The following FBXO15 variants were observed in gnomAD, a reference collection of about 807,000 sequenced individuals.
FBXO15 encodes the protein F-box protein 15, also known as F-box only protein 15.
In FBXO15, 30 loss-of-function variants were observed where a neutral mutation model predicts 49.5. The observed-to-expected ratio is 0.61, with a 90% confidence interval of 0.45 to 0.82. The LOEUF is 0.82. Among genes scored for constraint, FBXO15 ranks in the 40% least tolerant of loss-of-function variants. The pLI, the probability that FBXO15 is intolerant of heterozygous loss-of-function variation, is 0.00. For synonymous variants in FBXO15, 250 were observed against 232.7 expected, an observed-to-expected ratio of 1.07 and a Z score of -0.68; for missense variants, 591 against 631.5, an observed-to-expected ratio of 0.94 and a Z score of 0.69.
At chr18:74,092,582 G>T (rs1225049195) in intron 8 of FBXO15, among the ~76,000 whole-genome samples, 1 of 152,078 alleles carries the variant, frequency 6.6e-6, no homozygotes, top group Non-Finnish European at 1.5e-5. Context: ...GTCCGTGGGG[G>T]TATGATTGTG....
At chr18:74,114,159 G>A (rs2145171022) in intron 8 of FBXO15, among the ~76,000 whole-genome samples, 1 of 152,294 alleles carries the variant, frequency 6.6e-6, no homozygotes, top group Non-Finnish European at 1.5e-5. Context: ...TTCTGCTAGT[G>A]CCAGGCAGAG....
At chr18:74,143,617 C>T (rs891787427) in intron 1 of FBXO15, among the ~76,000 whole-genome samples, 3 of 152,140 alleles carry the variant, frequency 2.0e-5, no homozygotes, top group African/African-American at 7.2e-5. Context: ...ATACTAAAAA[C>T]GGTATAGAGA....
chr18:74,122,647 G>A (rs978288358), intron 8 of FBXO15: 1 of 152,188 alleles, frequency 6.6e-6, no homozygotes, highest in South Asian at 2.1e-4. Context: ...ATCTTAACCA[G>A]ATGATAAAAC....
intron 8 of FBXO15, among the ~76,000 whole-genome samples, chr18:74,100,854 T>C (rs762425614): frequency 5.3e-5 from 8 of 151,924 alleles, no homozygotes; most frequent in Non-Finnish European, 8.8e-5. Flanking sequence ...CTAGCTTAAA[T>C]CAGAAAGAAT....
At chr18:74,136,622 G>C (rs1407946213) in intron 2 of FBXO15, among the ~76,000 whole-genome samples, 1 of 152,156 alleles carries the variant, frequency 6.6e-6, no homozygotes, top group Admixed American at 6.5e-5. Context: ...AGGGCCATAA[G>C]TTTTTTCTGA....
chr18:74,130,851 CA>C, intron 3 of FBXO15, 193 bp from the exon 4 acceptor site: 2 of 542,794 alleles, frequency 3.7e-6, no homozygotes, highest in Non-Finnish European at 6.1e-6. Context: ...TCAACACCAC[CA>C]AAAACACATT....
intron 1 of FBXO15, among the ~76,000 whole-genome samples, chr18:74,146,389 T>C (rs1979411841): frequency 6.6e-6 from 1 of 152,188 alleles, no homozygotes; most frequent in Non-Finnish European, 1.5e-5. Flanking sequence ...GAAATGCAGG[T>C]TCCCATGCCA....
chr18:74,103,935 A>G (rs1410082386), intron 8 of FBXO15, among the ~76,000 whole-genome samples: 1 of 152,212 alleles, frequency 6.6e-6, no homozygotes, highest in Non-Finnish European at 1.5e-5. Flanking sequence ...ATTGGAAGAT[A>G]GAAAACTTAC....
chr18:74,134,153 T>C (rs1978568094), intron 3 of FBXO15, among the ~76,000 whole-genome samples: 1 of 152,156 alleles, frequency 6.6e-6, no homozygotes, highest in Non-Finnish European at 1.5e-5. Context: ...TTCTTCCATA[T>C]AGGAAACATC....
At chr18:74,130,799 T>A (rs1199296850) in intron 3 of FBXO15, 141 bp from the exon 4 acceptor site, 9 of 888,918 alleles carry the variant, frequency 1.0e-5, no homozygotes, top group Non-Finnish European at 1.2e-5. Flanking sequence ...TGAACGTTCA[T>A]CTGTTAAAGT....
intron 8 of FBXO15, among the ~76,000 whole-genome samples, chr18:74,106,305 C>T (rs1388772368): frequency 1.3e-5 from 2 of 152,050 alleles, no homozygotes; most frequent in Non-Finnish European, 2.9e-5. Flanking sequence ...TAATTACTGA[C>T]ATGCAATTAA....
At chr18:74,079,346 A>G (rs1289949572) in intron 9 of FBXO15, among the ~76,000 whole-genome samples, 1 of 152,210 alleles carries the variant, frequency 6.6e-6, no homozygotes, top group Non-Finnish European at 1.5e-5. Flanking sequence ...ATGACTTTGT[A>G]AAATAGCATG....
chr18:74,125,650 G>T (rs1170287774), intron 6 of FBXO15, among the ~76,000 whole-genome samples: 1 of 152,196 alleles, frequency 6.6e-6, no homozygotes, highest in Non-Finnish European at 1.5e-5. Flanking sequence ...AAGGAACGTG[G>T]ACTGATTGGA....
At chr18:74,103,947 G>A (rs1004294073) in intron 8 of FBXO15, among the ~76,000 whole-genome samples, 2 of 152,110 alleles carry the variant, frequency 1.3e-5, no homozygotes, top group Non-Finnish European at 2.9e-5. Flanking sequence ...AAAACTTACT[G>A]GTAAAATTAA....
intron 9 of FBXO15, among the ~76,000 whole-genome samples, chr18:74,078,337 C>CA (rs1912340098): frequency 6.7e-6 from 1 of 148,822 alleles, no homozygotes; most frequent in Non-Finnish European, 1.5e-5. Flanking sequence ...AGGCCCCCCC[C>CA]CGACCTGCCC....
In FBXO15 at chr18:74,147,272, G is replaced by A; in HGVS notation, c.116+398C>T. On this transcript the variant is annotated intron_variant, in intron 1 of 9. Transcript: ENST00000419743. ...TGATGAACAGACTCTACTTCCCTAA[G>A]TTGTAAGGTCATGAAAAACACGAAG... Among the ~76,000 whole-genome samples the A allele has an allele frequency of 1.3e-5, 2 of 151,960 alleles. 1 individual carries two copies. Among genetic ancestry groups the A allele is most frequent in the African/African-American group, 4.8e-5 (2 of 41,322 alleles).
At chr18:74,136,244 T>C (rs576346305) in intron 2 of FBXO15, among the ~76,000 whole-genome samples, 1 of 152,318 alleles carries the variant, frequency 6.6e-6, no homozygotes, top group Admixed American at 6.5e-5. Flanking sequence ...TGCAGTGGCA[T>C]GATCAGGGTT....
intron 8 of FBXO15, among the ~76,000 whole-genome samples, chr18:74,105,636 T>A (rs1401101718): frequency 2.0e-5 from 3 of 151,000 alleles, no homozygotes; most frequent in East Asian, 1.9e-4. Flanking sequence ...TTAGGAGAGG[T>A]AGGGTTTCAG....
intron 8 of FBXO15, among the ~76,000 whole-genome samples, chr18:74,108,823 T>G (rs1422873767): frequency 6.6e-6 from 1 of 152,070 alleles, no homozygotes; most frequent in Non-Finnish European, 1.5e-5. Context: ...AAAGAACACA[T>G]TACCTATACA....
Sources: allele counts gnomAD v4.1 joint callset (sites outside exome capture counted in the v4.1 genomes callset), GRCh38; gene constraint gnomAD v4.1.1; transcripts MANE v1.5; gene names NCBI Gene and HGNC (gene_info 2026-07-23, HGNC 2026-07-21).